The following EHBP1 variants were observed in gnomAD, a reference collection of about 807,000 sequenced individuals.
EHBP1 encodes EH domain-binding protein 1.
A neutral mutation model predicts 144.0 loss-of-function variants in EHBP1; 55 were observed. The observed-to-expected ratio is 0.38, with a 90% CI of 0.31 to 0.48. The LOEUF (loss-of-function observed/expected upper bound fraction) is 0.48. Among genes scored for constraint, EHBP1 ranks in the 20% least tolerant of loss-of-function variants. The pLI, the probability that EHBP1 is intolerant of heterozygous loss-of-function variation, is 0.98. For synonymous variants in EHBP1, 469 were observed against 472.7 expected (o/e 0.99, Z 0.10); for missense variants, 1,200 against 1,364.2 (o/e 0.88, Z 1.90).
chr2:62,861,058 G>A (rs2049487831), intron 8 of EHBP1, among the ~76,000 whole-genome samples: 1 of 146,678 alleles, frequency 6.8e-6, no homozygotes, highest in East Asian at 2.0e-4. Context: ...TGTTGCAATT[G>A]TTCAGATTAT....
At chr2:62,698,141 C>G (rs1020606849) in intron 1 of EHBP1, among the ~76,000 whole-genome samples, 12 of 152,188 alleles carry the variant, frequency 7.9e-5, no homozygotes, top group African/African-American at 2.7e-4. Context: ...AGTGTTATTA[C>G]AAGAATAAGA....
chr2:62,710,739 A>G (rs1471050325), intron 2 of EHBP1, among the ~76,000 whole-genome samples: 8 of 152,192 alleles, frequency 5.3e-5, no homozygotes, highest in Non-Finnish European at 1.2e-4. Flanking sequence ...GATAAAATAT[A>G]AACTCTTTAA....
At chr2:62,784,168 T>A (rs542745866) in intron 5 of EHBP1, among the ~76,000 whole-genome samples, 1 of 152,208 alleles carries the variant, frequency 6.6e-6, no homozygotes, top group Non-Finnish European at 1.5e-5. Context: ...TCACTAAAAA[T>A]CATGATGTAT....
intron 21 of EHBP1, chr2:63,044,228 A>G (rs1483438090): frequency 1.5e-5 from 2 of 136,334 alleles, no homozygotes; most frequent in Admixed American, 7.4e-5. Context: ...ACCAGCAAAG[A>G]TTAGGAAATA....
At chr2:63,009,991 C>T (rs946863854) in intron 19 of EHBP1, among the ~76,000 whole-genome samples, 10 of 151,308 alleles carry the variant, frequency 6.6e-5, no homozygotes, top group Non-Finnish European at 1.5e-4. Context: ...TGTTCCCCTC[C>T]CCCCAAAATT....
At chr2:62,841,031 A>G (rs573395466) in intron 7 of EHBP1, among the ~76,000 whole-genome samples, 101 of 152,302 alleles carry the variant, frequency 6.6e-4, no homozygotes, top group African/African-American at 2.2e-3. Context: ...CTATAAAGAG[A>G]CATGCACACA....
intron 7 of EHBP1, among the ~76,000 whole-genome samples, chr2:62,836,175 T>TCCCTGAC (rs944331485): frequency 6.6e-6 from 1 of 152,006 alleles, no homozygotes; most frequent in African/African-American, 2.4e-5. Flanking sequence ...CTCAAATGGG[T>TCCCTGAC]CCCTGACCCC....
intron 3 of EHBP1, among the ~76,000 whole-genome samples, chr2:62,759,697 C>G (rs2040607446): frequency 6.6e-6 from 1 of 152,038 alleles, no homozygotes; most frequent in African/African-American, 2.4e-5. Flanking sequence ...AGCCACCGTG[C>G]CCAGCCAGTG....
intron 7 of EHBP1, among the ~76,000 whole-genome samples, chr2:62,836,374 A>G (rs1455651721): frequency 1.4e-5 from 2 of 140,380 alleles, no homozygotes; most frequent in Non-Finnish European, 3.1e-5. Flanking sequence ...AAAGTAGATA[A>G]AACCACAAAG....
chr2:62,984,513 G>GATAT (rs1464533773), intron 15 of EHBP1, among the ~76,000 whole-genome samples: 2 of 152,150 alleles, frequency 1.3e-5, no homozygotes, highest in Non-Finnish European at 2.9e-5. Flanking sequence ...TAACCATAAA[G>GATAT]ATATATTTAT....
intron 2 of EHBP1, among the ~76,000 whole-genome samples, chr2:62,732,273 T>C (rs2037677720): frequency 6.6e-6 from 1 of 152,230 alleles, no homozygotes; most frequent in Non-Finnish European, 1.5e-5. Flanking sequence ...TGGTGTCTAT[T>C]AATTTTTGGG....
intron 8 of EHBP1, among the ~76,000 whole-genome samples, chr2:62,862,816 C>T (rs1256587815): frequency 6.6e-6 from 1 of 152,056 alleles, no homozygotes; most frequent in African/African-American, 2.4e-5. Context: ...ACTTTTGGCT[C>T]ACTGAAATTT....
At chr2:63,025,515 G>A (rs867932960) in intron 19 of EHBP1, among the ~76,000 whole-genome samples, 10 of 152,228 alleles carry the variant, frequency 6.6e-5, no homozygotes, top group East Asian at 1.9e-4. Context: ...CTGTCACTTC[G>A]GCCATCCAAA....
intron 19 of EHBP1, among the ~76,000 whole-genome samples, chr2:63,001,003 G>C (rs2059828305): frequency 6.6e-6 from 1 of 152,186 alleles, no homozygotes; most frequent in Non-Finnish European, 1.5e-5. Context: ...TGCCAGCAAT[G>C]TTGTAACCCA....
intron 10 of EHBP1, among the ~76,000 whole-genome samples, chr2:62,878,359 GA>G (rs2051071581): frequency 6.6e-6 from 1 of 152,154 alleles, no homozygotes; most frequent in Non-Finnish European, 1.5e-5. Flanking sequence ...GGACTAGACA[GA>G]TTCATGGCTG....
At chr2:62,826,293 T>C in intron 6 of EHBP1, 25 bp downstream of exon 6, 1 of 1,566,028 alleles carries the variant, frequency 6.4e-7, no homozygotes, top group Non-Finnish European at 8.6e-7. Context: ...TCAAATAAGC[T>C]TCCTTACATT....
chr2:62,805,389 G>C (rs960187897), intron 5 of EHBP1, among the ~76,000 whole-genome samples: 1 of 150,580 alleles, frequency 6.6e-6, no homozygotes, highest in Admixed American at 6.6e-5. Context: ...TACAAATAAA[G>C]TAGAAAAACA....
intron 3 of EHBP1, among the ~76,000 whole-genome samples, chr2:62,754,300 A>T (rs1017583132): frequency 6.6e-6 from 1 of 152,116 alleles, no homozygotes; most frequent in African/African-American, 2.4e-5. Context: ...AAGGCTGCAG[A>T]ACAGCAAATG....
intron 15 of EHBP1, among the ~76,000 whole-genome samples, chr2:62,983,752 G>T (rs558352533): frequency 1.2e-4 from 18 of 152,330 alleles, no homozygotes; most frequent in Admixed American, 3.3e-4. Flanking sequence ...ATGTTGGCCA[G>T]GCTGGTCTGG....
Sources: allele counts gnomAD v4.1 joint callset (sites outside exome capture counted in the v4.1 genomes callset), GRCh38; gene constraint gnomAD v4.1.1; transcripts MANE v1.5; gene names NCBI Gene and HGNC (gene_info 2026-07-23, HGNC 2026-07-21).